Variants in RSPO4 observed in about 807,000 individuals in gnomAD.
The protein encoded by RSPO4 is R-spondin-4.
A neutral mutation model predicts 24.8 loss-of-function variants in RSPO4; 23 were observed. The observed-to-expected ratio is 0.93, with a 90% CI of 0.67 to 1.31. The LOEUF is 1.31. RSPO4 is among the 40% of genes most tolerant of loss of function. The probability of loss-of-function intolerance (pLI) is 0.00; values close to 1 mark genes in which losing one functional copy is unlikely to be tolerated. For synonymous variants in RSPO4, 141 were observed against 127.4 expected (o/e 1.11, Z -0.72); for missense variants, 333 against 316.5 (o/e 1.05, Z -0.39).
At chr20:989,817 G>C (rs1043650556) in intron 1 of RSPO4, among the ~76,000 whole-genome samples, 1 of 152,208 alleles carries the variant, frequency 6.6e-6, no homozygotes, top group Non-Finnish European at 1.5e-5. Flanking sequence ...AGCAGCTACA[G>C]GCTGTCCTAC....
chr20:987,218 C>T (rs186608664), intron 1 of RSPO4, among the ~76,000 whole-genome samples: 1 of 152,330 alleles, frequency 6.6e-6, no homozygotes, highest in East Asian at 1.9e-4. Context: ...AGCCTGGCCC[C>T]TGGCCCCTGT....
Position 964,135 on chromosome 20 carries a change from G to A in RSPO4, c.410-15C>T. 1.2e-6 allele frequency: 2 copies of A among 1,602,196 alleles called. No individual in the cohort carries two copies. Among genetic ancestry groups the A allele is most frequent in the Non-Finnish European group, 1.7e-6 (2 of 1,172,730 alleles). ...TTCACACTCCCCTGTGGGGTGAAAG[G>A]AGAGACAGACAGACAGACAGACAGG... On this transcript the variant is annotated splice_polypyrimidine_tract_variant and intron_variant, in intron 3 of 4. Transcript: ENST00000217260.
intron 2 of RSPO4, 113 bp from the exon 3 acceptor site, chr20:967,427 G>T: frequency 8.7e-7 from 1 of 1,148,346 alleles, no homozygotes; most frequent in East Asian, 2.4e-5. Flanking sequence ...TAGCATTTGG[G>T]TCAGGACTCA....
chr20:962,912 G>C (rs528064982), intron 4 of RSPO4, among the ~76,000 whole-genome samples: 1 of 152,134 alleles, frequency 6.6e-6, no homozygotes, highest in South Asian at 2.1e-4. Flanking sequence ...TGTAAAATGG[G>C]GATAGTGCTA....
intron 1 of RSPO4, among the ~76,000 whole-genome samples, chr20:1,000,953 G>C (rs958539559): frequency 6.6e-6 from 1 of 152,174 alleles, no homozygotes; most frequent in South Asian, 2.1e-4. Context: ...TCGCTGTAGG[G>C]CTTTCACACA....
At chr20:972,982 C>T (rs1040207373) in intron 1 of RSPO4, among the ~76,000 whole-genome samples, 1 of 152,244 alleles carries the variant, frequency 6.6e-6, no homozygotes, top group African/African-American at 2.4e-5. Context: ...TGGACACAGA[C>T]TCACACCCTG....
chr20:973,640 A>AT (rs1202461992), intron 1 of RSPO4, among the ~76,000 whole-genome samples: 14 of 151,866 alleles, frequency 9.2e-5, no homozygotes, highest in African/African-American at 3.1e-4. Flanking sequence ...GCCTAGCTAA[A>AT]TTTTTTTGTA....
rs1030469972 is a variant in RSPO4, at chr20:981,201, G to A, written c.80-13063C>T. ...TTACCCTGTTGGTCTGATGATGAACGTGGAGCGGGAAAATGGGAGTGATAC... is the reference window on the plus strand; with the variant it reads ...TTACCCTGTTGGTCTGATGATGAACATGGAGCGGGAAAATGGGAGTGATAC... On this transcript the variant is annotated intron_variant, in intron 1 of 4. Coordinates refer to ENST00000217260, the MANE Select transcript of RSPO4 (RefSeq NM_001029871.4). The surrounding 1 kb of genome is among the most constrained non-coding windows in gnomAD (Gnocchi z 4.6). Among the ~76,000 whole-genome samples, 1 of 152,158 alleles carries A rather than the reference G, an allele frequency of 6.6e-6. No individual in the cohort carries two copies. The highest frequency in any genetic ancestry group is 1.9e-4 in the East Asian group (1 of 5,184).
intron 1 of RSPO4, among the ~76,000 whole-genome samples, 168 bp downstream of exon 1, chr20:1,001,918 A>C (rs1340748808): frequency 6.6e-6 from 1 of 151,980 alleles, no homozygotes; most frequent in Non-Finnish European, 1.5e-5. Flanking sequence ...GGTGCCCTGG[A>C]GCCTCAATCT....
rs542994015 is a variant in RSPO4 at position 967,983 on chromosome 20, C to T, written c.235G>A (p.Gly79Ser). The T allele has an allele frequency of 1.2e-5, 20 of 1,614,240 alleles. No individual in the cohort carries two copies. In the East Asian group the frequency reaches 3.6e-4, roughly 29 times the overall value. Residue 79 changes from glycine (G) to serine (S), a missense_variant, in exon 2 of 5, where the codon GGC becomes AGC. Gly to Ser is a moderately conservative substitution (Grantham distance 56). Coordinates refer to ENST00000217260, the MANE Select transcript of RSPO4 (RefSeq NM_001029871.4). ...CTGTTGACCTCCTGGCCGCGGATGC[C>T]GAAGTACCCAGGGGGACAGTCGTGC... ...CLHDCPPGYF[G>S]IRGQEVNRCK...
intron 3 of RSPO4, among the ~76,000 whole-genome samples, chr20:965,158 G>A (rs1370486260): frequency 1.3e-5 from 2 of 152,076 alleles, no homozygotes; most frequent in Admixed American, 6.5e-5. Flanking sequence ...TCTGGACACC[G>A]CCGTGATGAG....
chr20:990,988 C>T (rs1028381909), intron 1 of RSPO4, among the ~76,000 whole-genome samples: 3 of 152,238 alleles, frequency 2.0e-5, no homozygotes, highest in Admixed American at 6.5e-5. Context: ...GTCCCACTAG[C>T]GTCCTCAGGA....
At chr20:964,178 G>A in intron 3 of RSPO4, 58 bp from the exon 4 acceptor site, 1 of 1,449,848 alleles carries the variant, frequency 6.9e-7, no homozygotes, top group Non-Finnish European at 9.4e-7. Flanking sequence ...GGCAGTGAGG[G>A]TCCTTCAGAT....
rs1395495081 is a variant in RSPO4, at chr20:981,386, G to A, written c.80-13248C>T. Among the ~76,000 whole-genome samples, 1 of 152,102 alleles carries A rather than the reference G, an allele frequency of 6.6e-6. No individual in the cohort carries two copies. Among genetic ancestry groups the A allele is most frequent in the African/African-American group, 2.4e-5 (1 of 41,410 alleles). The stretch of plus-strand genomic sequence containing the variant: ...CTAAAAATACAAAAATCAGCTGGGC[G>A]TGGTGGTGCACACCTGTAATCCCAG... On this transcript the variant is annotated intron_variant, in intron 1 of 4. Transcript: ENST00000217260. The surrounding 1 kb of genome is among the most constrained non-coding windows in gnomAD (Gnocchi z 4.6).
intron 1 of RSPO4, among the ~76,000 whole-genome samples, chr20:999,866 TTTG>T (rs112478807): frequency 7.9e-5 from 12 of 151,974 alleles, no homozygotes; most frequent in Non-Finnish European, 1.2e-4. Context: ...CCAGCTCCTT[TTTG>T]TTGTTGTTGT....
intron 1 of RSPO4, among the ~76,000 whole-genome samples, chr20:977,604 T>C (rs2122233539): frequency 6.6e-6 from 1 of 152,352 alleles, no homozygotes; most frequent in African/African-American, 2.4e-5. Flanking sequence ...TTTTTGGTTT[T>C]GATGCCAACA....
chr20:992,505 G>A (rs559364736), intron 1 of RSPO4, among the ~76,000 whole-genome samples: 1 of 152,070 alleles, frequency 6.6e-6, no homozygotes, highest in South Asian at 2.1e-4. Context: ...AGGCTCGAAC[G>A]TTCTGTACAC....
chr20:963,926 G>T lies in RSPO4; in HGVS notation c.595+9C>A, dbSNP rs1294831303. 3 of 1,613,322 alleles carry T rather than the reference G, an allele frequency of 1.9e-6. No homozygotes were observed. Among genetic ancestry groups the T allele is most frequent in the Non-Finnish European group, 1.7e-6 (2 of 1,179,932 alleles). ...CACCGCAGCCTCGTGTGCCTGTCCT[G>T]GGGCTCACCTCCTGGGCAGGGCCTC... On this transcript the variant is annotated intron_variant, in intron 4 of 4. Transcript: ENST00000217260.
chr20:983,094 C>T (rs767991066), intron 1 of RSPO4, among the ~76,000 whole-genome samples: 1 of 152,208 alleles, frequency 6.6e-6, no homozygotes, highest in Non-Finnish European at 1.5e-5. Context: ...AAGATGAGCC[C>T]GAGTGAGAAA....
Sources: gnomAD v4.1 joint callset for allele counts (sites outside exome capture counted in the v4.1 genomes callset) on GRCh38, gnomAD v4.1.1 for gene constraint, Gnocchi (gnomAD v3.1) non-coding constraint, MANE v1.5 for transcripts, NCBI Gene and HGNC (gene_info 2026-07-23, HGNC 2026-07-21) for gene names.